Variants in LGI4 observed in about 807,000 individuals in gnomAD.
The protein encoded by LGI4 is leucine rich repeat LGI family member 4.
LGI4 carries 36 observed loss-of-function variants against 48.3 expected under a neutral mutation model. That is an observed-to-expected ratio of 0.75 (90% CI 0.57 to 0.98). The LOEUF (loss-of-function observed/expected upper bound fraction) is 0.98, where lower values mean the gene tolerates loss of function less well. Among genes scored for constraint, LGI4 ranks in the 50% least tolerant of loss-of-function variants. LGI4 has a pLI of 0.00. For missense variants in LGI4, 701 were observed against 732.1 expected (o/e 0.96, Z 0.49); for synonymous variants, 355 against 331.6 (o/e 1.07, Z -0.77).
chr19:35,131,528 A>ACACTGGAACGGGTTCCCG lies in LGI4; in HGVS notation c.468_485dup (p.Gly157_Cys162dup). The ACACTGGAACGGGTTCCCG allele has an allele frequency of 6.4e-7, 1 of 1,551,116 alleles. No homozygotes were observed. Among genetic ancestry groups the ACACTGGAACGGGTTCCCG allele is most frequent in the African/African-American group, 1.4e-5 (1 of 73,148 alleles). On this transcript the variant is annotated inframe_insertion, in exon 6 of 9. Transcript: ENST00000310123. Reference sequence around the variant, plus strand: ...GCAGGAGCCAGAGGACGCGGCAGTCACACTGGAACGGGTTCCCGCGGAGGT... The same window carrying ACACTGGAACGGGTTCCCG: ...GCAGGAGCCAGAGGACGCGGCAGTCACACTGGAACGGGTTCCCGCACTGGAACGGGTTCCCGCGGAGGT...
chr19:35,126,747 C>T lies in LGI4; in HGVS notation c.822G>A (p.Leu274=), dbSNP rs1368168883. 3.2e-6 allele frequency: 5 copies of T among 1,542,510 alleles called. No homozygotes were observed. Among genetic ancestry groups the T allele is most frequent in the Non-Finnish European group, 4.4e-6 (5 of 1,149,032 alleles). Residue 274 remains leucine, a synonymous_variant, in exon 8 of 9, where the codon CTG becomes CTA. Transcript: ENST00000310123. ...GCACGAAGAGGCTCGGGCCCAGCAC[C>T]AGTGGCTTGCAGGACACCACGGAGG... ...PAASVVSCKP[L]VLGPSLFVLA...
At chr19:35,133,440 T>C in intron 3 of LGI4, 2 of 1,329,340 alleles carry the variant, frequency 1.5e-6, no homozygotes, top group Non-Finnish European at 1.9e-6. Flanking sequence ...GGGCCCTTTG[T>C]AGATCTTGAA....
chr19:35,131,867 G>A lies in LGI4; in HGVS notation c.387-7C>T. On this transcript the variant is annotated splice_polypyrimidine_tract_variant and splice_region_variant and intron_variant, in intron 4 of 8. Coordinates refer to ENST00000310123, the MANE Select transcript of LGI4 (RefSeq NM_139284.3). ...ATGGTTATTGGCCAGGCTTCTGGTG[G>A]AGGAAGAGAAGGCACCGTCAGCAGC... 3 of 1,571,010 alleles carry A rather than the reference G, an allele frequency of 1.9e-6. No individual in the cohort carries two copies. The highest frequency in any genetic ancestry group is 2.3e-5 in the East Asian group (1 of 42,754).
At chr19:35,125,684 C>G (rs928252357) in intron 8 of LGI4, 177 bp from the exon 9 acceptor site, 6 of 707,820 alleles carry the variant, frequency 8.5e-6, no homozygotes, top group Admixed American at 8.0e-5. Context: ...TTCCCTTGCC[C>G]TCACGCCCCA....
intron 8 of LGI4, 67 bp downstream of exon 8, chr19:35,126,203 G>A (rs373373835): frequency 3.3e-6 from 5 of 1,535,562 alleles, no homozygotes; most frequent in Non-Finnish European, 4.4e-6. Context: ...TCAGAGTTTA[G>A]AGGCTTAGTG....
At chr19:35,134,140 C>T (rs1302140654) in intron 1 of LGI4, 36 bp from the exon 2 acceptor site, 4 of 1,531,270 alleles carry the variant, frequency 2.6e-6, no homozygotes, top group Admixed American at 3.9e-5. Flanking sequence ...AGAGGGACAC[C>T]ACAGCAATAC....
chr19:35,129,720 G>A (rs2145364328), intron 6 of LGI4, among the ~76,000 whole-genome samples: 1 of 152,294 alleles, frequency 6.6e-6, no homozygotes, highest in Middle Eastern at 3.4e-3. Context: ...GACAGCCTAA[G>A]ATATGGCCTC....
rs116169282 is a variant in LGI4, at chr19:35,129,534, T to C, written c.628+1852A>G. On this transcript the variant is annotated intron_variant, in intron 6 of 8. Transcript: ENST00000310123. ...TGTGCTATATTGACTCATGGTTTAATGAATTTAGGGCTATGCAGGACGTGC... is the reference window on the plus strand; with the variant it reads ...TGTGCTATATTGACTCATGGTTTAACGAATTTAGGGCTATGCAGGACGTGC... 6.1e-3 allele frequency among the ~76,000 whole-genome samples: 934 copies of C among 152,302 alleles called. 9 individuals are homozygous for C. Among genetic ancestry groups the C allele is most frequent in the African/African-American group, 0.022 (902 of 41,564 alleles).
intron 6 of LGI4, among the ~76,000 whole-genome samples, chr19:35,129,322 A>T (rs2065160154): frequency 6.6e-6 from 1 of 151,160 alleles, no homozygotes; most frequent in South Asian, 2.1e-4. Flanking sequence ...ATGTATGCAT[A>T]TATAATTATA....
At chr19:35,125,586 G>T in intron 8 of LGI4, 79 bp from the exon 9 acceptor site, 1 of 1,254,214 alleles carries the variant, frequency 8.0e-7, no homozygotes, top group African/African-American at 1.5e-5. Context: ...GCAGAAGCCT[G>T]TCGGTCCCAA....
rs762662723 is a variant in LGI4, at chr19:35,133,654, G to A, written c.314+39C>T. On this transcript the variant is annotated intron_variant, in intron 3 of 8. Coordinates refer to ENST00000310123, the MANE Select transcript of LGI4 (RefSeq NM_139284.3). ...GGGAGCCACAGAAGGGTCCCTCCTTGCCCAGACCCACCTGCCTCCATCCCC... is the reference window on the plus strand; with the variant it reads ...GGGAGCCACAGAAGGGTCCCTCCTTACCCAGACCCACCTGCCTCCATCCCC... The A allele has an allele frequency of 2.6e-5, 41 of 1,559,446 alleles. No homozygotes were observed. In the South Asian group the frequency reaches 4.5e-4, roughly 17 times the overall value.
In LGI4 at chr19:35,126,535, A is replaced by G; in HGVS notation, c.1034T>C (p.Leu345Pro). ...GTAAAAGCCGGGCCCGTCGCGGCACAGCAGCGTGGTGCTGCCCGCCTTGGA... is the reference window on the plus strand; with the variant it reads ...GTAAAAGCCGGGCCCGTCGCGGCACGGCAGCGTGGTGCTGCCCGCCTTGGA... ...DASKAGSTTL[L>P]CRDGPGFYPH... is the part of the protein sequence containing the mutation. Residue 345 changes from leucine (L) to proline (P), a missense_variant, in exon 8 of 9, where the codon CTG becomes CCG. By Grantham distance (98) the Leu-to-Pro change is moderately conservative (BLOSUM62 -3). Around this residue, in one of 3 missense-constraint regions of LGI4, gnomAD observed 16 missense variants for 32.5 expected, o/e 0.49. Coordinates refer to ENST00000310123, the MANE Select transcript of LGI4 (RefSeq NM_139284.3). 1 of 1,542,056 alleles carries G rather than the reference A, an allele frequency of 6.5e-7. No homozygotes were observed. The highest frequency in any genetic ancestry group is 1.2e-5 in the South Asian group (1 of 84,346).
chr19:35,134,908 A>C lies in LGI4; in HGVS notation c.-228T>G. 1.9e-6 allele frequency: 1 copy of C among 518,560 alleles called. No homozygotes were observed. The allele number at this position is 518,560 out of a possible 1,614,324, so 32.1% of individuals were successfully genotyped here. On this transcript the variant is annotated 5_prime_UTR_variant, in exon 1 of 9. Transcript: ENST00000310123. ...TTTCTCCCTGTCTTTCTGTCTCTGT[A>C]TTTTTGACTCTGTGTGTTAGTCTGT...
chr19:35,125,201 T>C lies in LGI4; in HGVS notation c.1606A>G (p.Ser536Gly), dbSNP rs1445562487. ...GAGTCCCGTTGGTGGTCTCAGGCAC[T>C]GAGGTCGATCTCGTGATGCTGGTAG... The part of the protein sequence containing the change: ...QIYQHHEIDL[S>G]A The change falls in exon 9 of 9, where the codon AGT becomes GGT. Residue 536 changes from serine (S) to glycine (G), a missense_variant. Physicochemically the swap from Ser to Gly is moderately conservative, Grantham distance 56. Transcript: ENST00000310123. The C allele has an allele frequency of 2.0e-6, 3 of 1,523,268 alleles. No homozygotes were observed. Among genetic ancestry groups the C allele is most frequent in the Middle Eastern group, 1.8e-4 (1 of 5,666 alleles). 94.4% of individuals were successfully genotyped at this position (1,523,268 alleles called of 1,614,324 possible).
At chr19:35,125,609 TTTC>T in intron 8 of LGI4, 102 bp from the exon 9 acceptor site, 3 of 1,009,146 alleles carry the variant, frequency 3.0e-6, no homozygotes, top group Admixed American at 2.3e-5. Context: ...CTCCCATAGC[TTTC>T]TTATCTTCAT....
In LGI4 at chr19:35,126,389, C is replaced by T. The variant is rs77357560; in HGVS notation, c.1180G>A (p.Gly394Ser). 3,735 of 1,610,448 alleles carry T rather than the reference C, an allele frequency of 2.3e-3. 76 individuals are homozygous for T. The African/African-American group carries it at 0.045, about 19-fold the overall frequency. The change falls in exon 8 of 9, where the codon GGT (glycine) becomes AGT (serine). Residue 394 changes from glycine (G) to serine (S), a missense_variant. This residue lies in a region of LGI4 where 223 missense variants were observed against 263.3 expected (regional missense o/e 0.85). Coordinates refer to ENST00000310123, the MANE Select transcript of LGI4 (RefSeq NM_139284.3). ...SQRPVLFHWT[G>S]GRFERRTDIP... ...TCTGTGCGTCTCTCGAAGCGGCCACCGGTCCAGTGGAAGAGCACGGGCCGC... is the reference window on the plus strand; with the variant it reads ...TCTGTGCGTCTCTCGAAGCGGCCACTGGTCCAGTGGAAGAGCACGGGCCGC...
chr19:35,125,854 C>A, intron 8 of LGI4: 1 of 577,802 alleles, frequency 1.7e-6, no homozygotes, highest in Non-Finnish European at 3.3e-6. Flanking sequence ...AGTCTGTTCC[C>A]CACCCAGAGA....
Position 35,126,423 on chromosome 19 carries a change from C to T in LGI4, c.1146G>A (p.Ser382=), listed in dbSNP as rs773165060. 4.4e-6 allele frequency: 7 copies of T among 1,605,086 alleles called. No homozygotes were observed. Among genetic ancestry groups the T allele is most frequent in the African/African-American group, 4.0e-5 (3 of 74,878 alleles). The change falls in exon 8 of 9, where the codon TCG becomes TCA. Residue 382 remains serine, a synonymous_variant. Transcript: ENST00000310123. Reference sequence around the variant, plus strand: ...GGAAGAGCACGGGCCGCTGGGAAGCCGAGGCCAGCAGCAGGTGGGGCCGGC... The same window carrying T: ...GGAAGAGCACGGGCCGCTGGGAAGCTGAGGCCAGCAGCAGGTGGGGCCGGC... ...LDGRPHLLLA[S]ASQRPVLFHW...
chr19:35,133,866 G>T, intron 2 of LGI4, 102 bp from the exon 3 acceptor site: 1 of 1,348,102 alleles, frequency 7.4e-7, no homozygotes, highest in Non-Finnish European at 1.0e-6. Flanking sequence ...GGGCACGCAG[G>T]TGTGAGTATG....
Sources: allele counts gnomAD v4.1 joint callset (sites outside exome capture counted in the v4.1 genomes callset), GRCh38; gene constraint gnomAD v4.1.1; regional missense constraint gnomAD v4.1.1; transcripts MANE v1.5; gene names NCBI Gene and HGNC (gene_info 2026-07-23, HGNC 2026-07-21).